The following GALNT13 variants were observed in gnomAD, a reference collection of about 807,000 sequenced individuals.
The protein encoded by GALNT13 is UDP-GalNAc:polypeptide N-acetylgalactosaminyltransferase 13.
GALNT13 carries 28 observed loss-of-function variants against 64.2 expected under a neutral mutation model. The ratio of observed to expected loss-of-function variants is 0.44; its 90% CI spans 0.32 to 0.60. The LOEUF (loss-of-function observed/expected upper bound fraction) is 0.60. Ranked by LOEUF, GALNT13 falls within the 20% of genes least tolerant of loss-of-function variation. GALNT13 has a pLI of 0.05. For synonymous variants in GALNT13, 214 were observed against 224.6 expected, an observed-to-expected ratio of 0.95 and a Z score of 0.42; for missense variants, 577 against 669.8, an observed-to-expected ratio of 0.86 and a Z score of 1.53.
chr2:154,439,194 G>C (rs1192375589), intron 12 of GALNT13, among the ~76,000 whole-genome samples: 2 of 152,090 alleles, frequency 1.3e-5, no homozygotes, highest in African/African-American at 4.8e-5. Flanking sequence ...TAAATATTTT[G>C]CAGAATTCAG....
At chr2:153,914,796 A>G (rs1186109623) in intron 2 of GALNT13, among the ~76,000 whole-genome samples, 2 of 151,922 alleles carry the variant, frequency 1.3e-5, no homozygotes, top group Non-Finnish European at 2.9e-5. Flanking sequence ...TTTTTTTTCC[A>G]ACCCTTTCCG....
chr2:153,147,180 T>C, the GALNT13 span, among the ~76,000 whole-genome samples: 5 of 151,712 alleles, frequency 3.3e-5, no homozygotes, highest in Non-Finnish European at 4.4e-5. Context: ...TGATACATTA[T>C]ATGGGTAGCT....
chr2:153,646,974 TAC>T, the GALNT13 span, among the ~76,000 whole-genome samples: 8 of 152,208 alleles, frequency 5.3e-5, no homozygotes, highest in Non-Finnish European at 7.3e-5. Flanking sequence ...TTTGGGTATA[TAC>T]CCAGTAATGG....
chr2:153,306,784 C>T, the GALNT13 span, among the ~76,000 whole-genome samples: 3 of 152,312 alleles, frequency 2.0e-5, no homozygotes, highest in African/African-American at 2.4e-5. Context: ...GATGGAGTCT[C>T]GCTCTGTTGC....
At chr2:153,320,145 G>A in the GALNT13 span, among the ~76,000 whole-genome samples, 1 of 152,196 alleles carries the variant, frequency 6.6e-6, no homozygotes, top group Non-Finnish European at 1.5e-5. Flanking sequence ...ATTTCAATGT[G>A]CAGCTAGGCT....
In GALNT13 at chr2:154,002,808, A is replaced by G. The variant is rs1695997515; in HGVS notation, c.142+58169A>G. 2.0e-5 allele frequency among the ~76,000 whole-genome samples: 3 copies of G among 152,164 alleles called. No homozygotes were observed. The East Asian group carries it at 5.8e-4, about 29-fold the overall frequency. On this transcript the variant is annotated intron_variant, in intron 3 of 12. Transcript: ENST00000392825. ...TTTTAGACTTTTACCAATTGTTACC[A>G]GAGTTTAATCATGGGCCCGTTTGTT...
chr2:153,763,412 G>C, the GALNT13 span, among the ~76,000 whole-genome samples: 3 of 152,142 alleles, frequency 2.0e-5, no homozygotes, highest in Non-Finnish European at 4.4e-5. Context: ...GCCAGGTGGA[G>C]ATAATTGAAT....
At chr2:153,989,071 C>G (rs901171460) in intron 3 of GALNT13, among the ~76,000 whole-genome samples, 5 of 143,556 alleles carry the variant, frequency 3.5e-5, no homozygotes, top group Non-Finnish European at 7.7e-5. Context: ...TTACATTTTT[C>G]CAGTGCCTTA....
At chr2:153,760,889 C>T in the GALNT13 span, among the ~76,000 whole-genome samples, 168 of 152,024 alleles carry the variant, frequency 1.1e-3, no homozygotes, top group Middle Eastern at 3.2e-3. Flanking sequence ...TAAGATTTCC[C>T]GTACATATTT....
At chr2:154,251,693 C>A (rs2105888445) in intron 7 of GALNT13, among the ~76,000 whole-genome samples, 1 of 152,286 alleles carries the variant, frequency 6.6e-6, no homozygotes, top group South Asian at 2.1e-4. Context: ...TGTGCGGTAT[C>A]CACCAAACTT....
the GALNT13 span, among the ~76,000 whole-genome samples, chr2:153,467,883 A>G: frequency 6.6e-6 from 1 of 152,092 alleles, no homozygotes; most frequent in Admixed American, 6.6e-5. Context: ...TGGTGATTTC[A>G]TGCTTTGGAA....
At chr2:153,787,130 G>C in the GALNT13 span, among the ~76,000 whole-genome samples, 2 of 152,254 alleles carry the variant, frequency 1.3e-5, no homozygotes, top group South Asian at 4.2e-4. Flanking sequence ...CCAGAGATAT[G>C]ATGGGAAGCC....
chr2:153,262,705 T>G, the GALNT13 span, among the ~76,000 whole-genome samples: 1 of 152,112 alleles, frequency 6.6e-6, no homozygotes, highest in Non-Finnish European at 1.5e-5. Flanking sequence ...AAAAACCACA[T>G]GATTATTTTA....
the GALNT13 span, among the ~76,000 whole-genome samples, chr2:153,631,321 T>C: frequency 1.3e-5 from 2 of 152,194 alleles, no homozygotes; most frequent in African/African-American, 4.8e-5. Flanking sequence ...TTTGGGTATA[T>C]ACCCAGTAAT....
intron 8 of GALNT13, among the ~76,000 whole-genome samples, chr2:154,298,046 T>A (rs1030102125): frequency 2.0e-5 from 3 of 152,086 alleles, no homozygotes; most frequent in Admixed American, 6.6e-5. Flanking sequence ...GGCTGAGATG[T>A]AAATTTGAGA....
At chr2:153,627,199 A>G in the GALNT13 span, among the ~76,000 whole-genome samples, 1 of 152,072 alleles carries the variant, frequency 6.6e-6, no homozygotes, top group Admixed American at 6.6e-5. Context: ...AAAGATGGAA[A>G]AAGCCTTTGT....
the GALNT13 span, among the ~76,000 whole-genome samples, chr2:153,289,487 G>T: frequency 0.082 from 12,421 of 152,208 alleles, 575 homozygotes; most frequent in South Asian, 0.12. Flanking sequence ...TTATCCCAAA[G>T]TAGTTGAATA....
the GALNT13 span, among the ~76,000 whole-genome samples, chr2:153,821,099 AC>A: frequency 6.6e-6 from 1 of 152,138 alleles, no homozygotes; most frequent in Non-Finnish European, 1.5e-5. Context: ...TAAAACAAAT[AC>A]TTATAGACTT....
At chr2:154,299,743 G>A (rs1574048143) in intron 8 of GALNT13, among the ~76,000 whole-genome samples, 2 of 151,770 alleles carry the variant, frequency 1.3e-5, no homozygotes, top group Non-Finnish European at 2.9e-5. Context: ...GATTACAGGC[G>A]TGAGCCACCG....
Sources: gnomAD v4.1 joint callset for allele counts (sites outside exome capture counted in the v4.1 genomes callset) on GRCh38, gnomAD v4.1.1 for gene constraint, MANE v1.5 for transcripts, NCBI Gene and HGNC (gene_info 2026-07-23, HGNC 2026-07-21) for gene names.